Variants in PCNX2 observed in about 807,000 individuals in gnomAD.
PCNX2 encodes pecanex 2.
A neutral mutation model predicts 223.8 loss-of-function variants in PCNX2; 168 were observed. The observed-to-expected ratio is 0.75, with a 90% CI of 0.66 to 0.85. PCNX2 has a LOEUF of 0.85. PCNX2 is among the 40% of genes least tolerant of loss of function. The pLI is 0.00. For synonymous variants in PCNX2, 1,006 were observed against 1,052.6 expected (o/e 0.96, Z 0.86); for missense variants, 2,507 against 2,675.5 (o/e 0.94, Z 1.39).
chr1:233,270,439 A>T (rs1220404114), intron 1 of PCNX2, among the ~76,000 whole-genome samples: 2 of 152,178 alleles, frequency 1.3e-5, no homozygotes, highest in Non-Finnish European at 2.9e-5. Flanking sequence ...CTGGACGTAG[A>T]TGTGTACAGA....
chr1:233,167,898 G>T (rs568724999), intron 17 of PCNX2: 72 of 817,246 alleles, frequency 8.8e-5, no homozygotes, highest in Non-Finnish European at 1.0e-4. Flanking sequence ...ATATATGTAG[G>T]TTTTTTCAGG....
Position 233,033,545 on chromosome 1 carries a change from G to A in PCNX2, c.4352-8146C>T, listed in dbSNP as rs553161638. On this transcript the variant is annotated intron_variant, in intron 25 of 33. Coordinates refer to ENST00000258229, the MANE Select transcript of PCNX2 (RefSeq NM_014801.4). ...TTTCTGGCAAAGACACCAGAGAGAT[G>A]ATATCCCCAGGATCCTCATAAAGAG... Among the ~76,000 whole-genome samples, 9 of 152,308 alleles carry A rather than the reference G, an allele frequency of 5.9e-5. No homozygotes were observed. The East Asian group carries it at 1.7e-3, about 29-fold the overall frequency.
chr1:233,201,955 G>C (rs991353544), intron 13 of PCNX2: 1 of 215,338 alleles, frequency 4.6e-6, no homozygotes, highest in Non-Finnish European at 1.0e-5. Context: ...GGAACTTAAT[G>C]AAACAATACA....
In PCNX2 at chr1:232,991,960, C is replaced by A. The variant is rs1352159788; in HGVS notation, c.5792-5420G>T. Among the ~76,000 whole-genome samples, 1 of 152,198 alleles carries A rather than the reference C, an allele frequency of 6.6e-6. No individual in the cohort carries two copies. Among genetic ancestry groups the A allele is most frequent in the East Asian group, 1.9e-4 (1 of 5,188 alleles). Reference sequence around the variant, plus strand: ...AAGCCATCATTCAACAGAAGAACAACGTGAACTGATTTAAGTTTAAATAAA... The same window carrying A: ...AAGCCATCATTCAACAGAAGAACAAAGTGAACTGATTTAAGTTTAAATAAA... On this transcript the variant is annotated intron_variant, in intron 32 of 33. Coordinates refer to ENST00000258229, the MANE Select transcript of PCNX2 (RefSeq NM_014801.4). The surrounding 1 kb of genome is among the most constrained non-coding windows in gnomAD (Gnocchi z 4.3).
At position 233,135,007 on chromosome 1, in the gene PCNX2, A is replaced by G; in HGVS notation, c.3837+6T>C. 6.3e-7 allele frequency: 1 copy of G among 1,585,684 alleles called. No individual in the cohort carries two copies. Among genetic ancestry groups the G allele is most frequent in the Non-Finnish European group, 8.7e-7 (1 of 1,154,158 alleles). ...TTAAAATGAAGAAAATAGCTAATTC[A>G]CTTGCCTTGCTAAATAAAATGGACA... On this transcript the variant is annotated splice_donor_region_variant and intron_variant, in intron 21 of 33. Transcript: ENST00000258229.
intron 17 of PCNX2, among the ~76,000 whole-genome samples, chr1:233,175,980 A>G (rs540595880): frequency 6.6e-6 from 1 of 152,188 alleles, no homozygotes; most frequent in African/African-American, 2.4e-5. Context: ...AAATTCATCG[A>G]AATTCCATGA....
chr1:233,229,097 A>C (rs1005912722), intron 9 of PCNX2, among the ~76,000 whole-genome samples: 1 of 152,202 alleles, frequency 6.6e-6, no homozygotes, highest in African/African-American at 2.4e-5. Flanking sequence ...TTCCTAACTT[A>C]GGAGAAGTCA....
intron 32 of PCNX2, among the ~76,000 whole-genome samples, chr1:232,988,995 G>A (rs867549885): frequency 6.6e-6 from 1 of 152,194 alleles, no homozygotes; most frequent in Non-Finnish European, 1.5e-5. Flanking sequence ...ACCCCAGTCC[G>A]CTCAGCCTCT....
At chr1:233,249,349 G>T (rs1208563720) in intron 8 of PCNX2, among the ~76,000 whole-genome samples, 2 of 152,198 alleles carry the variant, frequency 1.3e-5, no homozygotes, top group Admixed American at 1.3e-4. Flanking sequence ...CTTTTAGCTG[G>T]GAATTGCAGA....
chr1:233,226,987 TTAA>T (rs768921612), intron 10 of PCNX2, among the ~76,000 whole-genome samples: 18 of 152,194 alleles, frequency 1.2e-4, no homozygotes, highest in African/African-American at 3.1e-4. Flanking sequence ...TCTCTTATTA[TTAA>T]TATGTTAATT....
At chr1:233,022,290 A>G (rs933648293) in intron 26 of PCNX2, among the ~76,000 whole-genome samples, 1 of 152,200 alleles carries the variant, frequency 6.6e-6, no homozygotes, top group Non-Finnish European at 1.5e-5. Context: ...AAAAAAACAA[A>G]TTGGGCCATG....
At chr1:233,280,657 A>C (rs930655911) in intron 1 of PCNX2, among the ~76,000 whole-genome samples, 4 of 152,136 alleles carry the variant, frequency 2.6e-5, no homozygotes, top group South Asian at 2.1e-4. Flanking sequence ...TCTTATGAGG[A>C]TGAGGCCAGG....
chr1:233,198,803 C>T (rs1680884665), intron 15 of PCNX2, 136 bp downstream of exon 15: 4 of 904,568 alleles, frequency 4.4e-6, no homozygotes, highest in Non-Finnish European at 6.9e-6. Context: ...TGAGGCCTCA[C>T]TCAGCCACAC....
chr1:233,294,757 T>C (rs984855985), intron 1 of PCNX2, among the ~76,000 whole-genome samples: 2 of 152,196 alleles, frequency 1.3e-5, no homozygotes, highest in Non-Finnish European at 2.9e-5. Flanking sequence ...TAATACTTTG[T>C]TTAGCATAAA....
At chr1:233,011,123 T>C (rs187212562) in intron 28 of PCNX2, among the ~76,000 whole-genome samples, 27 of 152,338 alleles carry the variant, frequency 1.8e-4, no homozygotes, top group African/African-American at 6.3e-4. Context: ...TTATGAGCCA[T>C]TCTTACTTTG....
chr1:233,295,312 C>A lies in PCNX2; in HGVS notation c.153+14G>T, dbSNP rs778168122. ...ATACCCACAGCTCCCCGGGACCGGA[C>A]CCTCCCCACTCACCAGGTGCAGGGC... is the stretch of plus-strand genomic sequence containing the variant. On this transcript the variant is annotated intron_variant, in intron 1 of 33. Coordinates refer to ENST00000258229, the MANE Select transcript of PCNX2 (RefSeq NM_014801.4). The surrounding 1 kb of genome is among the most constrained non-coding windows in gnomAD (Gnocchi z 4.1). 1.3e-6 allele frequency: 2 copies of A among 1,573,370 alleles called. No homozygotes were observed. The highest frequency in any genetic ancestry group is 1.2e-5 in the South Asian group (1 of 85,508).
At position 233,227,262 on chromosome 1, in the gene PCNX2, C is replaced by T; in HGVS notation, c.2468G>A (p.Trp823Ter). Residue 823 changes from tryptophan to a stop codon, truncating the protein, a stop_gained, in exon 10 of 34, where the codon TGG (tryptophan) becomes TAG (stop). Transcript: ENST00000258229. LOFTEE classifies it high-confidence loss of function. ...IIFPGKWIKV[W>*]YDRLTLLALL... ...TGCCAGCAAGGTCAGTCGATCATAC[C>T]AGACTTTAATCCACTTGCCAGGGAA... 1.9e-6 allele frequency: 3 copies of T among 1,613,162 alleles called. No homozygotes were observed. The highest frequency in any genetic ancestry group is 2.5e-6 in the Non-Finnish European group (3 of 1,179,498).
intron 23 of PCNX2, among the ~76,000 whole-genome samples, chr1:233,079,564 G>A (rs1673262316): frequency 6.6e-6 from 1 of 151,194 alleles, no homozygotes; most frequent in South Asian, 2.1e-4. Context: ...TAAGGGAGAA[G>A]GATTCCTTTG....
chr1:233,182,434 C>T (rs1293446735), intron 15 of PCNX2, among the ~76,000 whole-genome samples: 1 of 152,100 alleles, frequency 6.6e-6, no homozygotes, highest in African/African-American at 2.4e-5. Context: ...TCAGTATCCA[C>T]ACCCTACCCC....
Sources: gnomAD v4.1 joint callset for allele counts (sites outside exome capture counted in the v4.1 genomes callset) on GRCh38, gnomAD v4.1.1 for gene constraint, Gnocchi (gnomAD v3.1) non-coding constraint, MANE v1.5 for transcripts, NCBI Gene and HGNC (gene_info 2026-07-23, HGNC 2026-07-21) for gene names.